SLC13A3: variants seen among roughly 807,000 people sequenced by gnomAD.
SLC13A3 encodes the protein solute carrier family 13 member 3, also known as Na(+)/dicarboxylate cotransporter 3.
A neutral mutation model predicts 59.0 loss-of-function variants in SLC13A3; 40 were observed. The observed-to-expected ratio is 0.68, with a 90% CI of 0.53 to 0.88. The LOEUF (loss-of-function observed/expected upper bound fraction) is 0.88, where lower values mean the gene tolerates loss of function less well. Among genes scored for constraint, SLC13A3 ranks in the 40% least tolerant of loss-of-function variants. The probability of loss-of-function intolerance (pLI) is 0.00; values close to 1 mark genes in which losing one functional copy is unlikely to be tolerated. For synonymous variants in SLC13A3, 317 were observed against 330.3 expected, an observed-to-expected ratio of 0.96 and a Z score of 0.44; for missense variants, 699 against 783.2, an observed-to-expected ratio of 0.89 and a Z score of 1.28.
chr20:46,642,971 T>C lies in SLC13A3; in HGVS notation c.111+8340A>G, dbSNP rs2062859116. 1.3e-5 allele frequency among the ~76,000 whole-genome samples: 2 copies of C among 152,136 alleles called. 1 individual carries two copies. The highest frequency in any genetic ancestry group is 4.1e-4 in the South Asian group (2 of 4,826). On this transcript the variant is annotated intron_variant, in intron 1 of 12. Coordinates refer to ENST00000279027, the MANE Select transcript of SLC13A3 (RefSeq NM_022829.6). ...GCACGTGGGCTCTTCATTGGGCAAA[T>C]GGAGAGAATCGTAGTAGCTCCTTCT... is the stretch of plus-strand genomic sequence containing the variant.
chr20:46,595,973 T>C (rs552424762), intron 5 of SLC13A3, among the ~76,000 whole-genome samples, 184 bp downstream of exon 5: 2 of 152,330 alleles, frequency 1.3e-5, no homozygotes, highest in Admixed American at 6.5e-5. Context: ...ACTTATTGCC[T>C]GTCTCTCCCG....
intron 12 of SLC13A3, among the ~76,000 whole-genome samples, chr20:46,562,128 C>G (rs1301476476): frequency 6.6e-6 from 1 of 152,150 alleles, no homozygotes; most frequent in Non-Finnish European, 1.5e-5. Flanking sequence ...ACACTTGTCC[C>G]TCCCACCCTA....
chr20:46,610,562 A>T lies in SLC13A3; in HGVS notation c.425T>A (p.Leu142Gln), dbSNP rs773723101. The T allele has an allele frequency of 6.2e-7, 1 of 1,614,132 alleles. No homozygotes were observed. Among genetic ancestry groups the T allele is most frequent in the East Asian group, 2.2e-5 (1 of 44,874 alleles). The change falls in exon 3 of 13, where the codon CTG becomes CAG. Residue 142 changes from leucine (L) to glutamine (Q), a missense_variant. Transcript: ENST00000279027. The part of the protein sequence containing the change: ...MVTTSFLSMW[L>Q]SNTASTAMML... ...CATGGCAGTGGAGGCGGTGTTGCTCAGCCACATGGACAAGAACGAGGTGGT... is the reference window on the plus strand; with the variant it reads ...CATGGCAGTGGAGGCGGTGTTGCTCTGCCACATGGACAAGAACGAGGTGGT...
chr20:46,637,980 A>G (rs748433690), intron 1 of SLC13A3, among the ~76,000 whole-genome samples: 1 of 152,186 alleles, frequency 6.6e-6, no homozygotes, highest in Non-Finnish European at 1.5e-5. Context: ...TCAAGAAAAA[A>G]GTCAGGAGCA....
At chr20:46,592,888 G>A (rs1246812075) in intron 5 of SLC13A3, among the ~76,000 whole-genome samples, 1 of 152,250 alleles carries the variant, frequency 6.6e-6, no homozygotes, top group African/African-American at 2.4e-5. Context: ...TGGTTGCCAT[G>A]CAAGAGTGCA....
intron 1 of SLC13A3, among the ~76,000 whole-genome samples, chr20:46,617,762 C>G (rs920219639): frequency 2.5e-4 from 38 of 152,282 alleles, no homozygotes; most frequent in African/African-American, 9.1e-4. Flanking sequence ...TGTATCACCC[C>G]CTGGGCCAGG....
intron 1 of SLC13A3, among the ~76,000 whole-genome samples, chr20:46,642,242 C>T (rs560169520): frequency 8.5e-4 from 129 of 152,322 alleles, no homozygotes; most frequent in African/African-American, 3.0e-3. Context: ...ACCATTAAAA[C>T]AGACACAAGG....
At chr20:46,567,322 T>C (rs1006116461) in intron 10 of SLC13A3, among the ~76,000 whole-genome samples, 4 of 152,286 alleles carry the variant, frequency 2.6e-5, no homozygotes, top group African/African-American at 9.6e-5. Context: ...ATTGAGGCTT[T>C]ACAGGGGACC....
chr20:46,656,775 T>C (rs923021625), intron 1 of SLC13A3, among the ~76,000 whole-genome samples: 1 of 151,996 alleles, frequency 6.6e-6, no homozygotes, highest in Non-Finnish European at 1.5e-5. Flanking sequence ...TTTGCTGTAG[T>C]TCCCCCTGTC....
intron 5 of SLC13A3, 92 bp from the exon 6 acceptor site, chr20:46,592,621 G>T: frequency 7.5e-7 from 1 of 1,334,666 alleles, no homozygotes; most frequent in Non-Finnish European, 1.1e-6. Flanking sequence ...GTAGCAGCGG[G>T]GAGGAGGAAT....
intron 12 of SLC13A3, 90 bp from the exon 13 acceptor site, chr20:46,560,288 C>G: frequency 7.9e-7 from 1 of 1,273,082 alleles, no homozygotes; most frequent in Non-Finnish European, 1.1e-6. Flanking sequence ...AAGTCACTCA[C>G]CCAAGATCGC....
At chr20:46,597,865 A>G (rs2062330861) in intron 4 of SLC13A3, among the ~76,000 whole-genome samples, 1 of 152,258 alleles carries the variant, frequency 6.6e-6, no homozygotes, top group Non-Finnish European at 1.5e-5. Flanking sequence ...TTTTTGACAT[A>G]TGCAATTGTA....
intron 2 of SLC13A3, among the ~76,000 whole-genome samples, chr20:46,611,751 G>A (rs929692244): frequency 6.6e-5 from 10 of 152,018 alleles, no homozygotes; most frequent in African/African-American, 1.9e-4. Flanking sequence ...TCTCATGCCC[G>A]TACCCTCCTG....
chr20:46,666,472 TTTGTTG>T (rs11469962), intron 1 of SLC13A3, among the ~76,000 whole-genome samples: 9,093 of 149,290 alleles, frequency 0.061, 328 homozygotes, highest in African/African-American at 0.093. Context: ...GTTTTGTTGC[TTTGTTG>T]TTGTTGTTGT....
upstream of SLC13A3, among the ~76,000 whole-genome samples, chr20:46,654,029 G>C (rs181507918): frequency 6.6e-6 from 1 of 152,228 alleles, no homozygotes; most frequent in Admixed American, 6.5e-5. Context: ...TGGCCATACT[G>C]TTTTTCACAG....
intron 1 of SLC13A3, among the ~76,000 whole-genome samples, chr20:46,616,496 G>A (rs1162528141): frequency 6.6e-6 from 1 of 152,154 alleles, no homozygotes; most frequent in East Asian, 1.9e-4. Context: ...ACCAGAGAGG[G>A]GAAGAATGAG....
chr20:46,578,680 A>G (rs12480746), intron 9 of SLC13A3, among the ~76,000 whole-genome samples: 1,804 of 152,260 alleles, frequency 0.012, 127 homozygotes, highest in Admixed American at 0.11. Flanking sequence ...TGTCTTAAAA[A>G]ATAAATAAAT....
chr20:46,618,187 T>C (rs768126481), intron 1 of SLC13A3, among the ~76,000 whole-genome samples: 8 of 150,334 alleles, frequency 5.3e-5, no homozygotes, highest in Non-Finnish European at 1.0e-4. Flanking sequence ...GCCCAGCCCA[T>C]CCCTGGTCCT....
At chr20:46,561,727 G>T (rs2061933217) in intron 12 of SLC13A3, among the ~76,000 whole-genome samples, 1 of 151,676 alleles carries the variant, frequency 6.6e-6, no homozygotes, top group African/African-American at 2.4e-5. Context: ...GGACGGGTGG[G>T]GGACATACTG....
Sources: gnomAD v4.1 joint callset for allele counts (sites outside exome capture counted in the v4.1 genomes callset) on GRCh38, gnomAD v4.1.1 for gene constraint, MANE v1.5 for transcripts, NCBI Gene and HGNC (gene_info 2026-07-23, HGNC 2026-07-21) for gene names.